BANK1: variants seen among roughly 807,000 people sequenced by gnomAD.
The protein encoded by BANK1 is B cell scaffold protein with ankyrin repeats 1, also known as B-cell scaffold protein with ankyrin repeats.
Under a neutral mutation model 94.5 loss-of-function variants are expected in BANK1, and 95 were observed. That is an observed-to-expected ratio of 1.00 (90% CI 0.85 to 1.19). The LOEUF (loss-of-function observed/expected upper bound fraction) is 1.19. Among genes scored for constraint, BANK1 ranks in the 50% most tolerant of loss-of-function variants. BANK1 has a pLI of 0.00. For missense variants in BANK1, 987 were observed against 932.2 expected (o/e 1.06, Z -0.77); for synonymous variants, 334 against 308.4 (o/e 1.08, Z -0.87).
chr4:101,868,503 G>C (rs1393101494), intron 4 of BANK1, among the ~76,000 whole-genome samples: 1 of 151,932 alleles, frequency 6.6e-6, no homozygotes, highest in East Asian at 1.9e-4. Flanking sequence ...AAGAGCAATA[G>C]ACAAGTCCAC....
At chr4:101,793,544 C>A (rs969138540) in intron 1 of BANK1, among the ~76,000 whole-genome samples, 1 of 152,104 alleles carries the variant, frequency 6.6e-6, no homozygotes, top group Admixed American at 6.6e-5. Context: ...GTAGAGGAAC[C>A]TTTTCTGCAA....
intron 7 of BANK1, among the ~76,000 whole-genome samples, chr4:101,946,170 A>G (rs1454488484): frequency 1.3e-5 from 2 of 152,020 alleles, no homozygotes; most frequent in East Asian, 1.9e-4. Flanking sequence ...AACTTTCCAC[A>G]CAATAAGAAG....
At chr4:102,003,630 GC>G (rs1332731831) in intron 7 of BANK1, among the ~76,000 whole-genome samples, 2 of 152,074 alleles carry the variant, frequency 1.3e-5, no homozygotes, top group Non-Finnish European at 2.9e-5. Flanking sequence ...AGGCACTTGT[GC>G]CCTTTTTTTA....
intron 7 of BANK1, among the ~76,000 whole-genome samples, chr4:101,991,387 A>G (rs1366251672): frequency 6.6e-6 from 1 of 152,228 alleles, no homozygotes; most frequent in Non-Finnish European, 1.5e-5. Context: ...GCCTGCTCAC[A>G]CTGTCTCAAA....
chr4:101,942,356 G>A (rs1159857685), intron 7 of BANK1, among the ~76,000 whole-genome samples: 1 of 151,876 alleles, frequency 6.6e-6, no homozygotes, highest in Admixed American at 6.6e-5. Context: ...AAACCACAGA[G>A]CACAGAGCCT....
chr4:101,934,464 A>G (rs1395144943), intron 7 of BANK1, among the ~76,000 whole-genome samples: 1 of 151,488 alleles, frequency 6.6e-6, no homozygotes, highest in Non-Finnish European at 1.5e-5. Context: ...GATGGAAATA[A>G]AAGAAAATTA....
At chr4:101,927,406 C>G (rs1723198111) in intron 7 of BANK1, among the ~76,000 whole-genome samples, 1 of 151,548 alleles carries the variant, frequency 6.6e-6, no homozygotes, top group East Asian at 2.0e-4. Context: ...TGGGTGGGGA[C>G]AAAGAGCCAA....
chr4:101,923,678 A>C (rs1723069348), intron 7 of BANK1, among the ~76,000 whole-genome samples: 1 of 151,860 alleles, frequency 6.6e-6, no homozygotes, highest in Non-Finnish European at 1.5e-5. Context: ...CAGGATTTTA[A>C]ATAAGCACTT....
At chr4:101,884,409 C>T (rs960861300) in intron 5 of BANK1, among the ~76,000 whole-genome samples, 13 of 152,198 alleles carry the variant, frequency 8.5e-5, no homozygotes, top group African/African-American at 3.1e-4. Flanking sequence ...TTTCCTCTCA[C>T]TTCTGTGATG....
intron 9 of BANK1, among the ~76,000 whole-genome samples, chr4:102,025,922 TACTCTC>T (rs1365897442): frequency 2.0e-5 from 3 of 152,246 alleles, no homozygotes; most frequent in Non-Finnish European, 1.5e-5. Flanking sequence ...TTTTAAAACA[TACTCTC>T]AGTCTTCAGA....
At chr4:101,881,736 C>T (rs1038727864) in intron 5 of BANK1, among the ~76,000 whole-genome samples, 4 of 152,068 alleles carry the variant, frequency 2.6e-5, no homozygotes, top group Non-Finnish European at 4.4e-5. Context: ...TATTCAGCCA[C>T]AAAATAGAAT....
At chr4:101,986,035 T>C (rs1308109331) in intron 7 of BANK1, among the ~76,000 whole-genome samples, 1 of 152,144 alleles carries the variant, frequency 6.6e-6, no homozygotes, top group African/African-American at 2.4e-5. Context: ...TGTAATGGGA[T>C]CTTAGGAATA....
intron 4 of BANK1, among the ~76,000 whole-genome samples, chr4:101,869,986 G>A (rs1305580972): frequency 6.6e-6 from 1 of 151,910 alleles, no homozygotes; most frequent in East Asian, 1.9e-4. Flanking sequence ...CAGTACTTCA[G>A]TATCAGGGGA....
intron 10 of BANK1, among the ~76,000 whole-genome samples, chr4:102,040,226 GCTTTA>G (rs1727659520): frequency 6.6e-6 from 1 of 151,842 alleles, no homozygotes; most frequent in Non-Finnish European, 1.5e-5. Flanking sequence ...TGCTAGTTCT[GCTTTA>G]CTTAACATTT....
chr4:101,945,289 A>AT (rs1032457391), intron 7 of BANK1, among the ~76,000 whole-genome samples: 3 of 151,746 alleles, frequency 2.0e-5, no homozygotes, highest in East Asian at 1.9e-4. Context: ...TGATTAAATT[A>AT]TTTTTTTCCT....
chr4:101,953,729 G>T (rs1724248274), intron 7 of BANK1, among the ~76,000 whole-genome samples: 1 of 151,994 alleles, frequency 6.6e-6, no homozygotes, highest in African/African-American at 2.4e-5. Context: ...GAAATCTCAT[G>T]GTCTCAGTGA....
At chr4:102,048,420 C>A (rs934579811) in intron 11 of BANK1, among the ~76,000 whole-genome samples, 2 of 152,102 alleles carry the variant, frequency 1.3e-5, no homozygotes, top group Non-Finnish European at 2.9e-5. Context: ...TAAACTGTTG[C>A]AGATATTATG....
chr4:101,897,819 T>G (rs74647573), intron 6 of BANK1, among the ~76,000 whole-genome samples: 5 of 152,138 alleles, frequency 3.3e-5, no homozygotes, highest in Non-Finnish European at 7.4e-5. Context: ...ATTGCTTCAA[T>G]GTATTATAGA....
Position 101,980,278 on chromosome 4 carries a change from G to A in BANK1, c.1207-41236G>A, listed in dbSNP as rs2851323. Among the ~76,000 whole-genome samples, 651 of 151,680 alleles carry A rather than the reference G, an allele frequency of 4.3e-3. 6 individuals carry two copies. The highest frequency in any genetic ancestry group is 6.8e-3 in the Middle Eastern group (2 of 292). ...TGTTTTCATTTTTAACATTTAAATCGTTTATCCATTTTGAATTTATCTTGG... is the reference window on the plus strand; with the variant it reads ...TGTTTTCATTTTTAACATTTAAATCATTTATCCATTTTGAATTTATCTTGG... On this transcript the variant is annotated intron_variant, in intron 7 of 16. Coordinates refer to ENST00000322953, the MANE Select transcript of BANK1 (RefSeq NM_017935.5).
Sources: allele counts gnomAD v4.1 joint callset (sites outside exome capture counted in the v4.1 genomes callset), GRCh38; gene constraint gnomAD v4.1.1; transcripts MANE v1.5; gene names NCBI Gene and HGNC (gene_info 2026-07-23, HGNC 2026-07-21).